Variants in GABPB2 observed in about 807,000 individuals in gnomAD.
GABPB2 encodes GA-binding protein subunit beta-2.
A neutral mutation model predicts 39.1 loss-of-function variants in GABPB2; 23 were observed. The ratio of observed to expected loss-of-function variants is 0.59; its 90% CI spans 0.42 to 0.83. GABPB2 has a LOEUF of 0.83. Among genes scored for constraint, GABPB2 ranks in the 40% least tolerant of loss-of-function variants. The pLI is 0.00. For missense variants in GABPB2, 467 were observed against 541.1 expected (o/e 0.86, Z 1.36); for synonymous variants, 184 against 199.3 (o/e 0.92, Z 0.65).
chr1:151,088,303 C>T lies in GABPB2; in HGVS notation c.108+6C>T, dbSNP rs752974874. ...CCCCATTCACCACAGACTGGGTAAGCTTAGAGGAGAGGTCTCTTAATTATT... is the reference window on the plus strand; with the variant it reads ...CCCCATTCACCACAGACTGGGTAAGTTTAGAGGAGAGGTCTCTTAATTATT... On this transcript the variant is annotated splice_donor_region_variant and intron_variant, in intron 2 of 8. Coordinates refer to ENST00000368918, the MANE Select transcript of GABPB2 (RefSeq NM_144618.3). 6.2e-7 allele frequency: 1 copy of T among 1,603,810 alleles called. No individual in the cohort carries two copies.
intron 1 of GABPB2, among the ~76,000 whole-genome samples, chr1:151,074,907 G>A (rs762283770): frequency 6.6e-5 from 10 of 152,004 alleles, no homozygotes; most frequent in Non-Finnish European, 1.0e-4. Context: ...TTGGGAGGCC[G>A]AGGTGGGTGG....
intron 5 of GABPB2, among the ~76,000 whole-genome samples, chr1:151,101,613 A>G (rs1457559769): frequency 1.3e-5 from 2 of 151,992 alleles, no homozygotes; most frequent in East Asian, 3.9e-4. Context: ...GAATACAGGA[A>G]TAGCCAATAG....
At chr1:151,091,480 A>C (rs1384854968) in intron 3 of GABPB2, among the ~76,000 whole-genome samples, 1 of 148,530 alleles carries the variant, frequency 6.7e-6, no homozygotes, top group South Asian at 2.1e-4. Context: ...AAAAAAAAAA[A>C]AAAAAAAAAA....
In GABPB2 at chr1:151,118,485, G is replaced by T; in HGVS notation, c.*229G>T. ...AAAGAATAAAGGACCAAATTTCTTA[G>T]CTCATATCATTGCTTTAAACATAGA... On this transcript the variant is annotated 3_prime_UTR_variant, in exon 9 of 9. Coordinates refer to ENST00000368918, the MANE Select transcript of GABPB2 (RefSeq NM_144618.3). The T allele has an allele frequency of 2.2e-6, 1 of 455,448 alleles. No individual in the cohort carries two copies. The allele number at this position is 455,448 out of a possible 1,614,324, so 28.2% of individuals were successfully genotyped here. A position where few individuals can be genotyped will look rare whatever the true frequency, so the allele number is the denominator to read the frequency against.
In GABPB2 at chr1:151,124,248, GTC is replaced by G. The variant is rs1286648636; in HGVS notation, c.*5995_*5996del. The stretch of plus-strand genomic sequence containing the variant: ...ATGATCTTGGCTCATTGCAACCTCT[GTC>G]TCCCGGGTTCAAGCGATTCTTCTGC... On this transcript the variant is annotated 3_prime_UTR_variant, in exon 9 of 9. Transcript: ENST00000368918. 1 of 148,334 alleles carries G rather than the reference GTC, an allele frequency of 6.7e-6. No individual in the cohort carries two copies. The highest frequency in any genetic ancestry group is 2.5e-5 in the African/African-American group (1 of 39,994). 9.2% of individuals were successfully genotyped at this position (148,334 alleles called of 1,614,324 possible). A position where few individuals can be genotyped will look rare whatever the true frequency, so the allele number is the denominator to read the frequency against.
At position 151,107,112 on chromosome 1, in the gene GABPB2, G is replaced by A. The variant is rs759916892; in HGVS notation, c.812G>A (p.Arg271Lys). The change falls in exon 7 of 9, where the codon AGG (arginine) becomes AAG (lysine). Residue 271 changes from arginine (R) to lysine (K), a missense_variant. Physicochemically the swap from Arg to Lys is conservative, Grantham distance 26. Transcript: ENST00000368918. ...CAAGTAATGGGGAGTGGAGGCCAGA[G>A]GGTCATCACCATAGTGACTGATGGA... ...IQQVMGSGGQRVITIVTDGVP... is the reference protein window; with the variant it reads ...IQQVMGSGGQKVITIVTDGVP... 2 of 1,613,306 alleles carry A rather than the reference G, an allele frequency of 1.2e-6. No individual in the cohort carries two copies. The highest frequency in any genetic ancestry group is 1.7e-6 in the Non-Finnish European group (2 of 1,179,542).
At chr1:151,084,532 G>GTT (rs759845986) in intron 1 of GABPB2, among the ~76,000 whole-genome samples, 49 of 98,600 alleles carry the variant, frequency 5.0e-4, no homozygotes, top group South Asian at 1.4e-3. Flanking sequence ...GGCCCTAGCT[G>GTT]TTTTTTTTTT....
chr1:151,076,853 G>T (rs1247923654), intron 1 of GABPB2, among the ~76,000 whole-genome samples: 16 of 150,266 alleles, frequency 1.1e-4, no homozygotes, highest in Non-Finnish European at 8.9e-5. Context: ...GAGTGCAGTG[G>T]CGCAATCTCG....
chr1:151,093,152 A>C, intron 3 of GABPB2, 40 bp from the exon 4 acceptor site: 4 of 1,498,178 alleles, frequency 2.7e-6, no homozygotes, highest in Non-Finnish European at 3.6e-6. Context: ...CTGTGCTACT[A>C]TAACCGCTGT....
intron 5 of GABPB2, among the ~76,000 whole-genome samples, chr1:151,101,279 A>C (rs1571952960): frequency 6.6e-6 from 1 of 151,950 alleles, no homozygotes; most frequent in East Asian, 1.9e-4. Context: ...AGTACATTTA[A>C]AAATAAAATA....
intron 1 of GABPB2, among the ~76,000 whole-genome samples, chr1:151,087,402 T>G (rs1678295207): frequency 1.3e-5 from 2 of 151,884 alleles, no homozygotes; most frequent in Admixed American, 6.6e-5. Flanking sequence ...ATCCCAACAC[T>G]TTGGGAGGCT....
intron 7 of GABPB2, among the ~76,000 whole-genome samples, chr1:151,110,892 GACATCAGTTGATGAGTTTAT>G (rs1680372208): frequency 1.3e-5 from 2 of 152,170 alleles, no homozygotes; most frequent in African/African-American, 4.8e-5. Flanking sequence ...GCTTTCCACT[GACATCAGTTGATGAGTTTAT>G]AAAGAAATAC....
At position 151,118,464 on chromosome 1, in the gene GABPB2, A is replaced by C. The variant is rs1441625206; in HGVS notation, c.*208A>C. The C allele has an allele frequency of 2.0e-6, 1 of 488,296 alleles. No homozygotes were observed. The highest frequency in any genetic ancestry group is 3.6e-6 in the Non-Finnish European group (1 of 275,492). The allele number at this position is 488,296 out of a possible 1,614,324, so 30.2% of individuals were successfully genotyped here. On this transcript the variant is annotated 3_prime_UTR_variant, in exon 9 of 9. Transcript: ENST00000368918. ...AACATTTTTTCTGAGGGGCCAAAAG[A>C]ATAAAGGACCAAATTTCTTAGCTCA...
intron 6 of GABPB2, among the ~76,000 whole-genome samples, chr1:151,104,771 T>TTC (rs199509376): frequency 3.2e-4 from 35 of 107,852 alleles, no homozygotes; most frequent in Non-Finnish European, 9.5e-5. Flanking sequence ...CTTTCTTTCT[T>TTC]TCTCTCTTTC....
intron 4 of GABPB2, among the ~76,000 whole-genome samples, chr1:151,095,772 G>A (rs1490674107): frequency 6.6e-6 from 1 of 152,162 alleles, no homozygotes; most frequent in East Asian, 1.9e-4. Flanking sequence ...GGTAGCTCAC[G>A]CCTGTAATCC....
chr1:151,122,471 C>T lies in GABPB2; in HGVS notation c.*4215C>T, dbSNP rs180928165. On this transcript the variant is annotated 3_prime_UTR_variant, in exon 9 of 9. Coordinates refer to ENST00000368918, the MANE Select transcript of GABPB2 (RefSeq NM_144618.3). ...GTGGGATTTCGGAGCCTTACTTTAA[C>T]GATAGAGGAACCAAGTATCATTTTA... The T allele has an allele frequency of 1.8e-4, 28 of 152,024 alleles. No homozygotes were observed. The highest frequency in any genetic ancestry group is 5.1e-4 in the African/African-American group (21 of 41,494). The allele number at this position is 152,024 out of a possible 1,614,324, so 9.4% of individuals were successfully genotyped here.
At chr1:151,081,512 GAAAC>G (rs1457682364) in intron 1 of GABPB2, among the ~76,000 whole-genome samples, 1 of 151,844 alleles carries the variant, frequency 6.6e-6, no homozygotes, top group Non-Finnish European at 1.5e-5. Context: ...AAGAAACAAA[GAAAC>G]AAACCGTATA....
chr1:151,072,365 A>T (rs1285664445), intron 1 of GABPB2, among the ~76,000 whole-genome samples: 1 of 149,724 alleles, frequency 6.7e-6, no homozygotes, highest in East Asian at 2.0e-4. Flanking sequence ...TGGGCGAAAT[A>T]GGGAGACCCC....
At chr1:151,075,650 A>G (rs1452528791) in intron 1 of GABPB2, among the ~76,000 whole-genome samples, 2 of 151,454 alleles carry the variant, frequency 1.3e-5, no homozygotes, top group Non-Finnish European at 2.9e-5. Flanking sequence ...CGGAAGTTGC[A>G]GCGAGCTGAG....
Sources: gnomAD v4.1 joint callset for allele counts (sites outside exome capture counted in the v4.1 genomes callset) on GRCh38, gnomAD v4.1.1 for gene constraint, MANE v1.5 for transcripts, NCBI Gene and HGNC (gene_info 2026-07-23, HGNC 2026-07-21) for gene names.